CFAP54: variants seen among roughly 807,000 people sequenced by gnomAD.
CFAP54 encodes cilia- and flagella-associated protein 54.
A neutral mutation model predicts 370.4 loss-of-function variants in CFAP54; 290 were observed. The ratio of observed to expected loss-of-function variants is 0.78; its 90% CI spans 0.71 to 0.86. The LOEUF is 0.86. Ranked by LOEUF, CFAP54 falls within the 40% of genes least tolerant of loss-of-function variation. The pLI is 0.00. For missense variants in CFAP54, 3,399 were observed against 3,528.7 expected (o/e 0.96, Z 0.93); for synonymous variants, 1,206 against 1,236.5 (o/e 0.98, Z 0.52).
chr12:96,737,837 T>G (rs1174364279), intron 50 of CFAP54, among the ~76,000 whole-genome samples: 2 of 151,006 alleles, frequency 1.3e-5, no homozygotes, highest in African/African-American at 2.5e-5. Context: ...ACTGAGCATA[T>G]GTACCCCTTC....
At chr12:96,723,039 CA>C (rs1349962257) in intron 50 of CFAP54, among the ~76,000 whole-genome samples, 1 of 152,036 alleles carries the variant, frequency 6.6e-6, no homozygotes, top group Non-Finnish European at 1.5e-5. Flanking sequence ...CAGTGTTATT[CA>C]AATCTTCCCA....
At chr12:96,698,303 A>G (rs1957456738) in intron 45 of CFAP54, among the ~76,000 whole-genome samples, 2 of 152,184 alleles carry the variant, frequency 1.3e-5, no homozygotes, top group Non-Finnish European at 2.9e-5. Flanking sequence ...TATAAAATAT[A>G]TCGCTATAAA....
chr12:96,713,131 A>G (rs1411248337), intron 48 of CFAP54, among the ~76,000 whole-genome samples: 3 of 152,202 alleles, frequency 2.0e-5, no homozygotes, highest in Admixed American at 1.3e-4. Flanking sequence ...CAGTATGGTC[A>G]TTCCTCAAAA....
chr12:96,803,515 C>G (rs1183511186), intron 63 of CFAP54, among the ~76,000 whole-genome samples: 1 of 152,050 alleles, frequency 6.6e-6, no homozygotes, highest in African/African-American at 2.4e-5. Flanking sequence ...CTGCTGCCAC[C>G]AGTGGGGTCT....
At chr12:96,745,366 A>G (rs969238530) in intron 55 of CFAP54, among the ~76,000 whole-genome samples, 8 of 152,074 alleles carry the variant, frequency 5.3e-5, no homozygotes, top group African/African-American at 1.9e-4. Context: ...TTGACTTTTT[A>G]ATAATAGCCA....
chr12:96,529,515 C>T (rs1239598352), intron 9 of CFAP54, among the ~76,000 whole-genome samples: 1 of 152,088 alleles, frequency 6.6e-6, no homozygotes, highest in Non-Finnish European at 1.5e-5. Flanking sequence ...TTCTCTGACA[C>T]TTAGTATTAT....
At chr12:96,663,747 A>G in intron 38 of CFAP54, 83 bp from the exon 39 acceptor site, 1 of 939,058 alleles carries the variant, frequency 1.1e-6, no homozygotes, top group East Asian at 2.6e-5. Context: ...TGATAAATAA[A>G]AAATGAGAGA....
intron 44 of CFAP54, among the ~76,000 whole-genome samples, chr12:96,692,001 T>A (rs1957393409): frequency 6.6e-6 from 1 of 152,136 alleles, no homozygotes; most frequent in African/African-American, 2.4e-5. Context: ...TCTCCTTTGT[T>A]TGCTTCTTTA....
chr12:96,721,173 C>T (rs191618437), intron 50 of CFAP54, among the ~76,000 whole-genome samples: 6 of 152,172 alleles, frequency 3.9e-5, no homozygotes, highest in East Asian at 3.9e-4. Context: ...AACCTTTTTA[C>T]GAATAAAAGC....
chr12:96,864,587 T>C (rs1959958516), intron 67 of CFAP54, among the ~76,000 whole-genome samples: 1 of 152,152 alleles, frequency 6.6e-6, no homozygotes, highest in Non-Finnish European at 1.5e-5. Flanking sequence ...GCATTGCCCC[T>C]TCCTGCCCCT....
chr12:96,805,526 T>A (rs768288264), intron 63 of CFAP54, among the ~76,000 whole-genome samples: 2 of 147,804 alleles, frequency 1.4e-5, no homozygotes. Context: ...AAAATGACAA[T>A]AAGATGTCAT....
In CFAP54 at chr12:96,651,652, TTACTC is replaced by T; in HGVS notation, c.4938_4942del (p.Phe1646LeufsTer8). 1 of 1,614,164 alleles carries T rather than the reference TTACTC, an allele frequency of 6.2e-7. No homozygotes were observed. The highest frequency in any genetic ancestry group is 8.5e-7 in the Non-Finnish European group (1 of 1,180,032). ...AACTGCTGTCGGGCCTTATGGAACT[TTACTC>T]AGGAACTACAAATACTTCTTAAACA... On this transcript the variant is annotated frameshift_variant, in exon 36 of 68. Coordinates refer to ENST00000524981, the MANE Select transcript of CFAP54 (RefSeq NM_001306084.2). LOFTEE classifies it high-confidence loss of function.
intron 2 of CFAP54, 101 bp downstream of exon 2, chr12:96,501,040 TTC>T: frequency 1.6e-6 from 1 of 633,782 alleles, no homozygotes; most frequent in Non-Finnish European, 2.4e-6. Flanking sequence ...GTTTTGATTT[TTC>T]TCTTAGAAAA....
chr12:96,691,988 T>G (rs1451254287), intron 44 of CFAP54, among the ~76,000 whole-genome samples: 1 of 152,138 alleles, frequency 6.6e-6, no homozygotes, highest in Non-Finnish European at 1.5e-5. Context: ...TCGCATCTCT[T>G]TTTCTCCTTT....
In CFAP54 at chr12:96,870,690, G is replaced by GT. The variant is rs542669268; in HGVS notation, c.*15-4421dup. Among the ~76,000 whole-genome samples, 20 of 152,142 alleles carry GT rather than the reference G, an allele frequency of 1.3e-4. No homozygotes were observed. In the South Asian group the frequency reaches 4.2e-3, roughly 32 times the overall value. ...TATTGTTTTGTTTTGGTTTGGTTTGGTTTTTTTATGGTAATGATAGGAGTT... is the reference window on the plus strand; with the variant it reads ...TATTGTTTTGTTTTGGTTTGGTTTGGTTTTTTTTATGGTAATGATAGGAGTT... On this transcript the variant is annotated intron_variant, in intron 67 of 67. Coordinates refer to ENST00000524981, the MANE Select transcript of CFAP54 (RefSeq NM_001306084.2).
intron 65 of CFAP54, among the ~76,000 whole-genome samples, chr12:96,827,034 A>T (rs1348604472): frequency 0.018 from 2,306 of 127,762 alleles, 32 homozygotes; most frequent in African/African-American, 0.059. Flanking sequence ...ATGTGATTAT[A>T]TATAATATGC....
chr12:96,720,748 G>A (rs928718185), intron 50 of CFAP54, among the ~76,000 whole-genome samples, 183 bp downstream of exon 50: 1 of 152,204 alleles, frequency 6.6e-6, no homozygotes, highest in Admixed American at 6.5e-5. Flanking sequence ...CTGGCTGGGT[G>A]TGGTGGCTCA....
At chr12:96,654,630 T>C (rs1446157078) in intron 36 of CFAP54, among the ~76,000 whole-genome samples, 1 of 152,154 alleles carries the variant, frequency 6.6e-6, no homozygotes, top group African/African-American at 2.4e-5. Flanking sequence ...GTATTGCATT[T>C]ACTCCTTTTA....
intron 50 of CFAP54, among the ~76,000 whole-genome samples, chr12:96,728,017 T>C (rs1957864735): frequency 6.6e-6 from 1 of 152,102 alleles, no homozygotes; most frequent in Admixed American, 6.6e-5. Flanking sequence ...CACTCTCTTC[T>C]GGCTTGTAGA....
Sources: gnomAD v4.1 joint callset for allele counts (sites outside exome capture counted in the v4.1 genomes callset) on GRCh38, gnomAD v4.1.1 for gene constraint, MANE v1.5 for transcripts, NCBI Gene and HGNC (gene_info 2026-07-23, HGNC 2026-07-21) for gene names.